CSMD1: variants seen among roughly 807,000 people sequenced by gnomAD.
The protein encoded by CSMD1 is CUB and Sushi multiple domains 1.
Under a neutral mutation model 417.5 loss-of-function variants are expected in CSMD1, and 213 were observed. The observed-to-expected ratio is 0.51, with a 90% CI of 0.46 to 0.57. The LOEUF is 0.57. Among genes scored for constraint, CSMD1 ranks in the 20% least tolerant of loss-of-function variants. The pLI, the probability that CSMD1 is intolerant of heterozygous loss-of-function variation, is 0.00. For missense variants in CSMD1, 6,923 were observed against 4,529.7 expected (o/e 1.53, Z -15.17); for synonymous variants, 2,862 against 1,736.8 (o/e 1.65, Z -16.11).
chr8:3,486,248 C>T (rs931243389), intron 11 of CSMD1, among the ~76,000 whole-genome samples: 1 of 148,532 alleles, frequency 6.7e-6, no homozygotes, highest in Non-Finnish European at 1.5e-5. Context: ...TCTCCTTGTA[C>T]TGTACTTTTA....
chr8:3,561,447 A>AGTC, intron 10 of CSMD1, among the ~76,000 whole-genome samples: 1 of 137,544 alleles, frequency 7.3e-6, no homozygotes, highest in South Asian at 2.3e-4. Flanking sequence ...GATACCACAC[A>AGTC]ATCATAAAAT....
At chr8:3,363,597 C>T (rs999381456) in intron 20 of CSMD1, among the ~76,000 whole-genome samples, 9 of 152,108 alleles carry the variant, frequency 5.9e-5, no homozygotes, top group African/African-American at 9.6e-5. Context: ...GCGCGATCTC[C>T]GCTCACTGCA....
chr8:4,196,893 T>C (rs906000555), intron 3 of CSMD1, among the ~76,000 whole-genome samples: 22 of 152,226 alleles, frequency 1.4e-4, no homozygotes, highest in African/African-American at 5.1e-4. Context: ...GCCATCTTCA[T>C]TAAATTCCCA....
At chr8:3,141,329 A>G (rs141562727) in intron 41 of CSMD1, among the ~76,000 whole-genome samples, 27 of 152,338 alleles carry the variant, frequency 1.8e-4, no homozygotes, top group African/African-American at 6.3e-4. Flanking sequence ...TCTTGCTTCT[A>G]ACCTTTAAGC....
rs143771975 is a variant in CSMD1, at chr8:4,393,358, T to G, written c.415+26595A>C. On this transcript the variant is annotated intron_variant, in intron 3 of 69. Transcript: ENST00000635120. ...GCAGCAGAAAAATCATTTTCTAAAT[T>G]GCCAAGGCCAAGAAACTGAAGGAGA... is the stretch of plus-strand genomic sequence containing the variant. 3.3e-4 allele frequency among the ~76,000 whole-genome samples: 51 copies of G among 152,298 alleles called. 2 individuals are homozygous for G. Among genetic ancestry groups the G allele is most frequent in the East Asian group, 1.4e-3 (7 of 5,162 alleles).
rs1797863722 is a variant in CSMD1, at chr8:4,041,049, C to G, written c.416-8950G>C. On this transcript the variant is annotated intron_variant, in intron 3 of 69. Transcript: ENST00000635120. ...TTTTTTTTTTTGAGACGGAGTCTCG[C>G]TCTGTCGCCCAGGCTGGAGTGCAGT... Among the ~76,000 whole-genome samples, 4 of 131,082 alleles carry G rather than the reference C, an allele frequency of 3.1e-5. 1 individual carries two copies. The South Asian group carries it at 9.6e-4, about 32-fold the overall frequency. 86.0% of individuals were successfully genotyped at this position (131,082 alleles called of 152,430 possible). A position where few individuals can be genotyped will look rare whatever the true frequency, so the allele number is the denominator to read the frequency against.
intron 23 of CSMD1, among the ~76,000 whole-genome samples, chr8:3,310,026 C>A (rs951256700): frequency 6.6e-6 from 1 of 152,134 alleles, no homozygotes; most frequent in Non-Finnish European, 1.5e-5. Context: ...AATTTTAATT[C>A]AGATGCCTGG....
At chr8:3,580,445 G>A (rs1800334595) in intron 9 of CSMD1, among the ~76,000 whole-genome samples, 1 of 152,120 alleles carries the variant, frequency 6.6e-6, no homozygotes, top group African/African-American at 2.4e-5. Flanking sequence ...AAGAATCCTA[G>A]GAGAGAAACA....
intron 5 of CSMD1, among the ~76,000 whole-genome samples, chr8:3,858,503 G>A (rs768336546): frequency 1.3e-5 from 2 of 152,074 alleles, no homozygotes; most frequent in South Asian, 4.1e-4. Flanking sequence ...TTGTAGAAAT[G>A]GAAGGCCTAC....
intron 5 of CSMD1, among the ~76,000 whole-genome samples, chr8:3,986,833 G>T (rs900717572): frequency 3.9e-5 from 6 of 151,998 alleles, no homozygotes; most frequent in Admixed American, 6.6e-5. Flanking sequence ...TCGGCTCACT[G>T]CAATCTCTGC....
chr8:3,262,040 C>T (rs189463898), intron 26 of CSMD1, among the ~76,000 whole-genome samples: 1 of 151,392 alleles, frequency 6.6e-6, no homozygotes, highest in Non-Finnish European at 1.5e-5. Flanking sequence ...TTATTTGTTG[C>T]CACTCTAAGT....
intron 3 of CSMD1, among the ~76,000 whole-genome samples, chr8:4,343,294 T>A (rs1249543589): frequency 6.6e-6 from 1 of 152,018 alleles, no homozygotes; most frequent in Non-Finnish European, 1.5e-5. Context: ...TAGAGAGATA[T>A]TGGCCAAAGG....
intron 50 of CSMD1, among the ~76,000 whole-genome samples, chr8:3,031,947 T>G (rs961080126): frequency 2.7e-5 from 4 of 148,168 alleles, no homozygotes; most frequent in African/African-American, 1.0e-4. Flanking sequence ...GACTGACAAA[T>G]TAGACACTAT....
chr8:3,002,898 G>C (rs1807536874), intron 52 of CSMD1, among the ~76,000 whole-genome samples: 1 of 152,160 alleles, frequency 6.6e-6, no homozygotes, highest in African/African-American at 2.4e-5. Context: ...AGAAAACAGA[G>C]GATGTCCTTC....
At chr8:3,870,703 T>C (rs558615974) in intron 5 of CSMD1, among the ~76,000 whole-genome samples, 1 of 152,310 alleles carries the variant, frequency 6.6e-6, no homozygotes, top group East Asian at 1.9e-4. Context: ...ATCTGATTTA[T>C]ATTCATTTAT....
chr8:3,650,555 T>G (rs368493844), intron 7 of CSMD1, among the ~76,000 whole-genome samples: 1 of 152,180 alleles, frequency 6.6e-6, no homozygotes, highest in African/African-American at 2.4e-5. Context: ...ATCTGTTATG[T>G]TATTACAGAT....
At chr8:4,435,768 C>T (rs1013882215) in intron 2 of CSMD1, among the ~76,000 whole-genome samples, 5 of 152,166 alleles carry the variant, frequency 3.3e-5, no homozygotes, top group African/African-American at 1.2e-4. Context: ...AAGTACCATA[C>T]CTTTGACAGC....
intron 7 of CSMD1, among the ~76,000 whole-genome samples, chr8:3,646,738 T>C (rs1401467314): frequency 6.6e-6 from 1 of 152,104 alleles, no homozygotes; most frequent in Non-Finnish European, 1.5e-5. Flanking sequence ...GTGCCTCCTC[T>C]GAGGCTGGAA....
At chr8:4,219,358 T>C (rs139617105) in intron 3 of CSMD1, among the ~76,000 whole-genome samples, 12 of 152,256 alleles carry the variant, frequency 7.9e-5, no homozygotes, top group Admixed American at 5.2e-4. Context: ...ATTGGGCACA[T>C]CCCCCTGGCA....
Sources: gnomAD v4.1 joint callset for allele counts (sites outside exome capture counted in the v4.1 genomes callset) on GRCh38, gnomAD v4.1.1 for gene constraint, MANE v1.5 for transcripts, NCBI Gene and HGNC (gene_info 2026-07-23, HGNC 2026-07-21) for gene names.